SRF: variants seen among roughly 807,000 people sequenced by gnomAD.
SRF encodes the protein serum response factor, also known as c-fos serum response element-binding transcription factor.
In SRF, 7 loss-of-function variants were observed where a neutral mutation model predicts 37.1. The observed-to-expected ratio is 0.19, with a 90% CI of 0.11 to 0.35. The LOEUF is 0.35. Among genes scored for constraint, SRF ranks in the 10% least tolerant of loss-of-function variants. The probability of loss-of-function intolerance (pLI) is 1.00; values close to 1 mark genes in which losing one functional copy is unlikely to be tolerated. For synonymous variants in SRF, 285 were observed against 310.1 expected (o/e 0.92, Z 0.85); for missense variants, 395 against 694.4 (o/e 0.57, Z 4.85).
At chr6:43,177,228 GTT>G (rs544658252) in intron 4 of SRF, among the ~76,000 whole-genome samples, 8 of 116,794 alleles carry the variant, frequency 6.8e-5, no homozygotes, top group African/African-American at 1.9e-4. Context: ...ATCGGAGTCT[GTT>G]TTTTTTTTTT....
At position 43,176,439 on chromosome 6, in the gene SRF, G is replaced by A. The variant is rs910200213; in HGVS notation, c.1043-109G>A. On this transcript the variant is annotated intron_variant, in intron 3 of 6. Coordinates refer to ENST00000265354, the MANE Select transcript of SRF (RefSeq NM_003131.4). The surrounding 1 kb of genome is among the most constrained non-coding windows in gnomAD (Gnocchi z 4.0). ...TTTGGCTTCCAGGAAAGATAGTGAT[G>A]GGAGTTGGAGACCAGTGTGCCAGAC... is the stretch of plus-strand genomic sequence containing the variant. 2.7e-6 allele frequency: 4 copies of A among 1,509,324 alleles called. No individual in the cohort carries two copies. The African/African-American group carries it at 5.5e-5, about 21-fold the overall frequency. 93.5% of individuals were successfully genotyped at this position (1,509,324 alleles called of 1,614,324 possible). A position where few individuals can be genotyped will look rare whatever the true frequency, so the allele number is the denominator to read the frequency against.
At position 43,175,715 on chromosome 6, in the gene SRF, A is replaced by C; in HGVS notation, c.790A>C (p.Lys264Gln). 6.2e-7 allele frequency: 1 copy of C among 1,614,172 alleles called. No individual in the cohort carries two copies. The highest frequency in any genetic ancestry group is 8.5e-7 in the Non-Finnish European group (1 of 1,180,032). ...TTTACTCTGGGTATAGGACACACTG[A>C]AGCCGGCGTTCACAGTCACCAACCT... ...DSSGETKDTL[K>Q]PAFTVTNLPG... The change falls in exon 3 of 7, where the codon AAG becomes CAG. Residue 264 changes from lysine (K) to glutamine (Q), a missense_variant. Physicochemically the swap from Lys to Gln is moderately conservative, Grantham distance 53. Around this residue, in one of 4 missense-constraint regions of SRF, gnomAD observed 232 missense variants for 335.6 expected, o/e 0.69. Transcript: ENST00000265354.
chr6:43,175,171 TG>T (rs2150495990), intron 2 of SRF, among the ~76,000 whole-genome samples: 1 of 152,300 alleles, frequency 6.6e-6, no homozygotes, highest in South Asian at 2.1e-4. Context: ...AAATTAGAGC[TG>T]GAAGAACTCT....
intron 2 of SRF, among the ~76,000 whole-genome samples, chr6:43,174,688 G>A (rs1031322566): frequency 1.3e-5 from 2 of 152,218 alleles, no homozygotes; most frequent in Non-Finnish European, 2.9e-5. Flanking sequence ...CTTGCTGTCT[G>A]GGGAGCTCCA....
rs1772197300 is a variant in SRF at position 43,176,329 on chromosome 6, A to G, written c.1043-219A>G. Among the ~76,000 whole-genome samples the G allele has an allele frequency of 6.6e-6, 1 of 152,174 alleles. No homozygotes were observed. Reference sequence around the variant, plus strand: ...CTTGGGTCAACTGAAGAAAAGAGAGACAAGGCCCAGGGCAGGAGGAGGAGG... The same window carrying G: ...CTTGGGTCAACTGAAGAAAAGAGAGGCAAGGCCCAGGGCAGGAGGAGGAGG... On this transcript the variant is annotated intron_variant, in intron 3 of 6. Transcript: ENST00000265354. This position sits in a 1 kb window ranked among gnomAD's most constrained non-coding sequence, Gnocchi z 4.0.
Position 43,176,942 on chromosome 6 carries a change from C to G in SRF, c.1162+275C>G, listed in dbSNP as rs762360291. ...CCTGAGGCCTAGAAATAAGAAGTTA[C>G]TTGCTCAAAGACACATTTGCTTAAT... On this transcript the variant is annotated intron_variant, in intron 4 of 6. Coordinates refer to ENST00000265354, the MANE Select transcript of SRF (RefSeq NM_003131.4). This position sits in a 1 kb window ranked among gnomAD's most constrained non-coding sequence, Gnocchi z 4.0. Among the ~76,000 whole-genome samples the G allele has an allele frequency of 7.2e-5, 11 of 152,250 alleles. No homozygotes were observed. In the Middle Eastern group the frequency reaches 0.01, roughly 141 times the overall value.
Position 43,172,032 on chromosome 6 carries a change from C to CCGGTGAGCGGCG in SRF, c.387_398dup (p.Val131_Ala134dup). 3 of 1,595,940 alleles carry CCGGTGAGCGGCG rather than the reference C, an allele frequency of 1.9e-6. No individual in the cohort carries two copies. The highest frequency in any genetic ancestry group is 1.3e-5 in the African/African-American group (1 of 74,448). On this transcript the variant is annotated inframe_insertion, in exon 1 of 7. Coordinates refer to ENST00000265354, the MANE Select transcript of SRF (RefSeq NM_003131.4). This position sits in a 1 kb window ranked among gnomAD's most constrained non-coding sequence, Gnocchi z 5.7. ...GGCAGCGGCCACCGGGGGCTACGGG[C>CCGGTGAGCGGCG]CGGTGAGCGGCGCGGTGAGCGGGGC...
rs528920250 is a variant in SRF, at chr6:43,180,591, G to A, written c.*1401G>A. 1 of 152,804 alleles carries A rather than the reference G, an allele frequency of 6.5e-6. No individual in the cohort carries two copies. Among genetic ancestry groups the A allele is most frequent in the East Asian group, 1.9e-4 (1 of 5,170 alleles). 9.5% of individuals were successfully genotyped at this position (152,804 alleles called of 1,614,324 possible). On this transcript the variant is annotated 3_prime_UTR_variant, in exon 7 of 7. Coordinates refer to ENST00000265354, the MANE Select transcript of SRF (RefSeq NM_003131.4). ...TGTAACCTCAGTATTTATGTAATTTGTACAGGGGCCATGCCCCACCCCCCT... is the reference window on the plus strand; with the variant it reads ...TGTAACCTCAGTATTTATGTAATTTATACAGGGGCCATGCCCCACCCCCCT...
chr6:43,179,450 C>G lies in SRF; in HGVS notation c.*260C>G. 3.7e-6 allele frequency: 2 copies of G among 535,920 alleles called. No homozygotes were observed. Among genetic ancestry groups the G allele is most frequent in the African/African-American group, 1.9e-5 (1 of 52,526 alleles). 33.2% of individuals were successfully genotyped at this position (535,920 alleles called of 1,614,324 possible). A position where few individuals can be genotyped will look rare whatever the true frequency, so the allele number is the denominator to read the frequency against. ...GAGGGGCTGTCCTCCTTCCTGGGACCCCCTCGCCAGCTTGGCTCGATGTTT... is the reference window on the plus strand; with the variant it reads ...GAGGGGCTGTCCTCCTTCCTGGGACGCCCTCGCCAGCTTGGCTCGATGTTT... On this transcript the variant is annotated 3_prime_UTR_variant, in exon 7 of 7. Transcript: ENST00000265354. This position sits in a 1 kb window ranked among gnomAD's most constrained non-coding sequence, Gnocchi z 5.3.
At position 43,176,759 on chromosome 6, in the gene SRF, T is replaced by G; in HGVS notation, c.1162+92T>G. Reference sequence around the variant, plus strand: ...AACAGTAACCCTCCTGTAACTAAAGTCAGGGGATTTCTTAAAGTGGAGATT... The same window carrying G: ...AACAGTAACCCTCCTGTAACTAAAGGCAGGGGATTTCTTAAAGTGGAGATT... On this transcript the variant is annotated intron_variant, in intron 4 of 6. Transcript: ENST00000265354. The surrounding 1 kb of genome is among the most constrained non-coding windows in gnomAD (Gnocchi z 4.0). The G allele has an allele frequency of 6.7e-7, 1 of 1,500,608 alleles. No homozygotes were observed. Among genetic ancestry groups the G allele is most frequent in the Non-Finnish European group, 9.0e-7 (1 of 1,107,852 alleles). The allele number at this position is 1,500,608 out of a possible 1,614,324, so 93.0% of individuals were successfully genotyped here.
Position 43,178,047 on chromosome 6 carries a change from T to TA in SRF, c.1163-246dup, listed in dbSNP as rs1772239189. Among the ~76,000 whole-genome samples the TA allele has an allele frequency of 6.6e-6, 1 of 152,118 alleles. No homozygotes were observed. The highest frequency in any genetic ancestry group is 1.5e-5 in the Non-Finnish European group (1 of 68,026). ...TTTGTTTTTCCCAAGATTTAGGACT[T>TA]AGAGAATTCAGTAGATAGACAATTG... On this transcript the variant is annotated intron_variant, in intron 4 of 6. Transcript: ENST00000265354. The surrounding 1 kb of genome is among the most constrained non-coding windows in gnomAD (Gnocchi z 4.3).
Position 43,176,160 on chromosome 6 carries a change from C to T in SRF, c.1042+193C>T, listed in dbSNP as rs1265013070. On this transcript the variant is annotated intron_variant, in intron 3 of 6. Transcript: ENST00000265354. The surrounding 1 kb of genome is among the most constrained non-coding windows in gnomAD (Gnocchi z 4.0). ...TCTGCCCACTGAGACCCCTGCTGTCCTTGTCAGTAAGTTTCAACCATATAT... is the reference window on the plus strand; with the variant it reads ...TCTGCCCACTGAGACCCCTGCTGTCTTTGTCAGTAAGTTTCAACCATATAT... Among the ~76,000 whole-genome samples the T allele has an allele frequency of 6.6e-6, 1 of 152,196 alleles. No individual in the cohort carries two copies. The highest frequency in any genetic ancestry group is 1.5e-5 in the Non-Finnish European group (1 of 68,034).
In SRF at chr6:43,180,842, G is replaced by C. The variant is rs1388952958; in HGVS notation, c.*1652G>C. ...GGGGGAAGATTTTATGCACAGCCTA[G>C]TTATCAAGGGGATGATTTGCCGACA... On this transcript the variant is annotated 3_prime_UTR_variant, in exon 7 of 7. Transcript: ENST00000265354. 6.6e-6 allele frequency: 1 copy of C among 152,252 alleles called. No individual in the cohort carries two copies. The highest frequency in any genetic ancestry group is 1.9e-4 in the East Asian group (1 of 5,200). The allele number at this position is 152,252 out of a possible 1,614,324, so 9.4% of individuals were successfully genotyped here. A position where few individuals can be genotyped will look rare whatever the true frequency, so the allele number is the denominator to read the frequency against.
At position 43,180,372 on chromosome 6, in the gene SRF, G is replaced by T. The variant is rs544045398; in HGVS notation, c.*1182G>T. On this transcript the variant is annotated 3_prime_UTR_variant, in exon 7 of 7. Transcript: ENST00000265354. ...CATGCAGCTGCCTGGGGCCCAAGTT[G>T]CAGTGAGCAGGGTGGGGTCTGGGAG... 1 of 152,462 alleles carries T rather than the reference G, an allele frequency of 6.6e-6. No individual in the cohort carries two copies. The highest frequency in any genetic ancestry group is 2.4e-5 in the African/African-American group (1 of 41,488). The allele number at this position is 152,462 out of a possible 1,614,324, so 9.4% of individuals were successfully genotyped here.
chr6:43,176,425 G>C lies in SRF; in HGVS notation c.1043-123G>C, dbSNP rs542920417. The C allele has an allele frequency of 1.8e-4, 260 of 1,482,466 alleles. 3 individuals are homozygous for C. The Middle Eastern group carries it at 3.4e-3, about 19-fold the overall frequency. 91.8% of individuals were successfully genotyped at this position (1,482,466 alleles called of 1,614,324 possible). A position where few individuals can be genotyped will look rare whatever the true frequency, so the allele number is the denominator to read the frequency against. On this transcript the variant is annotated intron_variant, in intron 3 of 6. Coordinates refer to ENST00000265354, the MANE Select transcript of SRF (RefSeq NM_003131.4). This position sits in a 1 kb window ranked among gnomAD's most constrained non-coding sequence, Gnocchi z 4.0. ...GCCTGAAGGGCCTCTTTGGCTTCCA[G>C]GAAAGATAGTGATGGGAGTTGGAGA...
chr6:43,174,958 G>A (rs1024666019), intron 2 of SRF, among the ~76,000 whole-genome samples: 1 of 152,156 alleles, frequency 6.6e-6, no homozygotes, highest in Admixed American at 6.6e-5. Flanking sequence ...TCCTCTCTTA[G>A]TGGCATATCA....
At position 43,172,508 on chromosome 6, in the gene SRF, C is replaced by T; in HGVS notation, c.513+339C>T. 1 of 974,596 alleles carries T rather than the reference C, an allele frequency of 1.0e-6. No individual in the cohort carries two copies. Among genetic ancestry groups the T allele is most frequent in the African/African-American group, 1.8e-5 (1 of 57,072 alleles). 60.4% of individuals were successfully genotyped at this position (974,596 alleles called of 1,614,324 possible). On this transcript the variant is annotated intron_variant, in intron 1 of 6. Coordinates refer to ENST00000265354, the MANE Select transcript of SRF (RefSeq NM_003131.4). This position sits in a 1 kb window ranked among gnomAD's most constrained non-coding sequence, Gnocchi z 5.7. ...GCCGGGGAGGTGGATAATGAGAACC[C>T]GGGATCAGTAGGTCCAGTGCACTCC...
Position 43,171,542 on chromosome 6 carries a change from G to T in SRF, c.-115G>T. The T allele has an allele frequency of 1.8e-6, 2 of 1,103,128 alleles. No individual in the cohort carries two copies. Among genetic ancestry groups the T allele is most frequent in the South Asian group, 4.5e-5 (1 of 22,460 alleles). The allele number at this position is 1,103,128 out of a possible 1,614,324, so 68.3% of individuals were successfully genotyped here. On this transcript the variant is annotated 5_prime_UTR_variant, in exon 1 of 7. Transcript: ENST00000265354. This position sits in a 1 kb window ranked among gnomAD's most constrained non-coding sequence, Gnocchi z 6.5. The stretch of plus-strand genomic sequence containing the variant: ...GGTTCGCAGCGGCGGCCGCGGCAGC[G>T]ATAGCGGCACTAGCAGCAGCGGGAG...
In SRF at chr6:43,174,231, C is replaced by T. The variant is rs1772156988; in HGVS notation, c.780+118C>T. The T allele has an allele frequency of 6.9e-6, 9 of 1,311,058 alleles. No homozygotes were observed. In the East Asian group the frequency reaches 1.3e-4, roughly 18 times the overall value. 81.2% of individuals were successfully genotyped at this position (1,311,058 alleles called of 1,614,324 possible). ...GGAGTGGAGCCGGATTAACGACCCT[C>T]GTCCTAGGGGACAGGTGTCCATCCT... On this transcript the variant is annotated intron_variant, in intron 2 of 6. Coordinates refer to ENST00000265354, the MANE Select transcript of SRF (RefSeq NM_003131.4).
Sources: gnomAD v4.1 joint callset for allele counts (sites outside exome capture counted in the v4.1 genomes callset) on GRCh38, gnomAD v4.1.1 for gene constraint, gnomAD v4.1.1 regional missense constraint, Gnocchi (gnomAD v3.1) non-coding constraint, MANE v1.5 for transcripts, NCBI Gene and HGNC (gene_info 2026-07-23, HGNC 2026-07-21) for gene names.